The following TTYH3 variants were observed in gnomAD, a reference collection of about 807,000 sequenced individuals.
TTYH3 encodes the protein protein tweety homolog 3.
TTYH3 carries 23 observed loss-of-function variants against 68.2 expected under a neutral mutation model. That is an observed-to-expected ratio of 0.34 (90% CI 0.24 to 0.48). The LOEUF (loss-of-function observed/expected upper bound fraction) is 0.48, where lower values mean the gene tolerates loss of function less well. Ranked by LOEUF, TTYH3 falls within the 20% of genes least tolerant of loss-of-function variation. The probability of loss-of-function intolerance (pLI) is 0.99; values close to 1 mark genes in which losing one functional copy is unlikely to be tolerated. For missense variants in TTYH3, 768 were observed against 727.7 expected, an observed-to-expected ratio of 1.06 and a Z score of -0.64; for synonymous variants, 360 against 332.8, an observed-to-expected ratio of 1.08 and a Z score of -0.89.
At chr7:2,653,045 G>A (rs1458311869) in intron 9 of TTYH3, 35 bp downstream of exon 9, 1 of 1,530,850 alleles carries the variant, frequency 6.5e-7, no homozygotes, top group East Asian at 2.4e-5. Context: ...GGGGCAGGCA[G>A]GGCTCCTCTT....
At chr7:2,660,240 G>T (rs1008972085) in intron 13 of TTYH3, 32 of 985,306 alleles carry the variant, frequency 3.2e-5, no homozygotes, top group African/African-American at 2.3e-4. Flanking sequence ...CTCACAGTGG[G>T]GTTGGCAAGT....
At chr7:2,641,366 T>C (rs1388062220) in intron 1 of TTYH3, among the ~76,000 whole-genome samples, 1 of 151,110 alleles carries the variant, frequency 6.6e-6, no homozygotes, top group Non-Finnish European at 1.5e-5. Context: ...ATGGATGCCG[T>C]CTGTGGCTGT....
intron 11 of TTYH3, among the ~76,000 whole-genome samples, chr7:2,657,872 C>T (rs892790653): frequency 5.3e-5 from 8 of 152,226 alleles, no homozygotes; most frequent in African/African-American, 1.9e-4. Flanking sequence ...AGCCAGAGGG[C>T]AGCAGGGCTA....
At chr7:2,648,771 C>T (rs1424557772) in intron 5 of TTYH3, among the ~76,000 whole-genome samples, 7 of 151,672 alleles carry the variant, frequency 4.6e-5, no homozygotes, top group Non-Finnish European at 1.0e-4. Flanking sequence ...GGGGGTGCAG[C>T]TTCACGCTGT....
Position 2,631,989 on chromosome 7 carries a change from GAGCCGAGCGC to G in TTYH3, c.-158_-149del. ...GGCGGCGGGCGCGGGCGGCCGAGCGGAGCCGAGCGCAGCCGAGCCGGGCCGAGCCGGGCCG... is the reference window on the plus strand; with the variant it reads ...GGCGGCGGGCGCGGGCGGCCGAGCGGAGCCGAGCCGGGCCGAGCCGGGCCG... On this transcript the variant is annotated 5_prime_UTR_variant, in exon 1 of 14. Transcript: ENST00000258796. 1 of 416,926 alleles carries G rather than the reference GAGCCGAGCGC, an allele frequency of 2.4e-6. No homozygotes were observed. The highest frequency in any genetic ancestry group is 3.2e-6 in the Non-Finnish European group (1 of 310,022). 25.8% of individuals were successfully genotyped at this position (416,926 alleles called of 1,614,324 possible).
chr7:2,652,956 G>C lies in TTYH3; in HGVS notation c.966G>C (p.Gln322His), dbSNP rs994233984. 3 of 1,576,644 alleles carry C rather than the reference G, an allele frequency of 1.9e-6. No individual in the cohort carries two copies. The highest frequency in any genetic ancestry group is 2.7e-5 in the African/African-American group (2 of 74,702). Residue 322 changes from glutamine (Q) to histidine (H), a missense_variant, in exon 9 of 14, where the codon CAG (glutamine) becomes CAC (histidine). Coordinates refer to ENST00000258796, the MANE Select transcript of TTYH3 (RefSeq NM_025250.3). ...SGSHKALVEMQDVVAELLRTV... is the reference protein window; with the variant it reads ...SGSHKALVEMHDVVAELLRTV... ...GCCACAAGGCACTGGTGGAGATGCA[G>C]GATGTCGTGGCTGAGCTTCTGAGGA...
intron 11 of TTYH3, 80 bp from the exon 12 acceptor site, chr7:2,658,206 A>G (rs933931780): frequency 2.2e-6 from 3 of 1,370,396 alleles, no homozygotes; most frequent in African/African-American, 2.9e-5. Flanking sequence ...GTCTGTCTGC[A>G]CCAGAACTGA....
In TTYH3 at chr7:2,663,829, C is replaced by T. The variant is rs1002231778; in HGVS notation, c.*2090C>T. ...CCTGACCGTGGTGTGCGTGTGTGCC[C>T]GTCTGTGACTTTCTACTCACCAAGG... On this transcript the variant is annotated 3_prime_UTR_variant, in exon 14 of 14. Coordinates refer to ENST00000258796, the MANE Select transcript of TTYH3 (RefSeq NM_025250.3). 5.9e-5 allele frequency: 9 copies of T among 152,614 alleles called. 1 individual carries two copies. Among genetic ancestry groups the T allele is most frequent in the African/African-American group, 1.7e-4 (7 of 41,456 alleles). The allele number at this position is 152,614 out of a possible 1,614,324, so 9.5% of individuals were successfully genotyped here.
rs1401977584 is a variant in TTYH3 at position 2,648,177 on chromosome 7, C to T, written c.722+123C>T. The T allele has an allele frequency of 4.4e-6, 4 of 899,372 alleles. No individual in the cohort carries two copies. In the East Asian group the frequency reaches 7.9e-5, roughly 18 times the overall value. 55.7% of individuals were successfully genotyped at this position (899,372 alleles called of 1,614,324 possible). On this transcript the variant is annotated intron_variant, in intron 5 of 13. Coordinates refer to ENST00000258796, the MANE Select transcript of TTYH3 (RefSeq NM_025250.3). ...CACAAGCTCTGCGGTGGGGGCTGAG[C>T]GGGACCCCCCTGCACTGGGCCTGCT...
intron 1 of TTYH3, among the ~76,000 whole-genome samples, chr7:2,641,674 C>T (rs1317376696): frequency 6.6e-6 from 1 of 152,252 alleles, no homozygotes. Context: ...GGCGGAGGGG[C>T]CGCCAGCCCG....
intron 1 of TTYH3, among the ~76,000 whole-genome samples, chr7:2,637,116 C>T (rs1428983863): frequency 6.6e-6 from 1 of 152,188 alleles, no homozygotes; most frequent in Non-Finnish European, 1.5e-5. Context: ...CCGCCTGCCC[C>T]CCACTCGCCT....
chr7:2,663,641 A>G lies in TTYH3; in HGVS notation c.*1902A>G, dbSNP rs769465535. 6.6e-6 allele frequency: 1 copy of G among 152,598 alleles called. No individual in the cohort carries two copies. Among genetic ancestry groups the G allele is most frequent in the African/African-American group, 2.4e-5 (1 of 41,468 alleles). The allele number at this position is 152,598 out of a possible 1,614,324, so 9.5% of individuals were successfully genotyped here. ...AGGGGAGTTCTCCAGGCCTAGGGCC[A>G]GGAGAGAGGCCCTGGCACCCTGGCG... On this transcript the variant is annotated 3_prime_UTR_variant, in exon 14 of 14. Coordinates refer to ENST00000258796, the MANE Select transcript of TTYH3 (RefSeq NM_025250.3).
At chr7:2,639,397 A>G (rs4721904) in intron 1 of TTYH3, among the ~76,000 whole-genome samples, 49,513 of 152,078 alleles carry the variant, frequency 0.33, 8,236 homozygotes, top group East Asian at 0.46. Flanking sequence ...CTGTTGCGGT[A>G]CCCACGATGC....
At position 2,659,973 on chromosome 7, in the gene TTYH3, G is replaced by A. The variant is rs544788988; in HGVS notation, c.1500+958G>A. 1.5e-5 allele frequency: 20 copies of A among 1,301,274 alleles called. No homozygotes were observed. The South Asian group carries it at 1.9e-4, about 12-fold the overall frequency. 80.6% of individuals were successfully genotyped at this position (1,301,274 alleles called of 1,614,324 possible). A position where few individuals can be genotyped will look rare whatever the true frequency, so the allele number is the denominator to read the frequency against. On this transcript the variant is annotated intron_variant, in intron 13 of 13. Coordinates refer to ENST00000258796, the MANE Select transcript of TTYH3 (RefSeq NM_025250.3). The stretch of plus-strand genomic sequence containing the variant: ...GGCTGCCCTGGACTCTGGCAGCCAC[G>A]CGGGCTGGCAGTTTAAGCCCATGGA...
At chr7:2,661,604 G>A (rs1417723616) in intron 13 of TTYH3, 64 bp from the exon 14 acceptor site, 1 of 1,523,152 alleles carries the variant, frequency 6.6e-7, no homozygotes, top group Middle Eastern at 1.7e-4. Flanking sequence ...CCACGCGGAA[G>A]GCGCCCCTGG....
chr7:2,646,295 G>A (rs1260397306), intron 1 of TTYH3, among the ~76,000 whole-genome samples: 4 of 152,220 alleles, frequency 2.6e-5, no homozygotes, highest in African/African-American at 4.8e-5. Flanking sequence ...GATTACAGGC[G>A]TGAGCCACCC....
At chr7:2,658,661 G>A (rs1230430894) in intron 12 of TTYH3, among the ~76,000 whole-genome samples, 1 of 152,222 alleles carries the variant, frequency 6.6e-6, no homozygotes, top group Non-Finnish European at 1.5e-5. Flanking sequence ...TGGAGGTTCC[G>A]TGTCCAGGGC....
Position 2,663,139 on chromosome 7 carries a change from C to G in TTYH3, c.*1400C>G, listed in dbSNP as rs1169767531. ...CGTGCTACCCCTCCCGGTCCCGGCC[C>G]TGGCCCAGCCAGCCCAGCCCTCGAG... is the stretch of plus-strand genomic sequence containing the variant. On this transcript the variant is annotated 3_prime_UTR_variant, in exon 14 of 14. Transcript: ENST00000258796. 1 of 152,488 alleles carries G rather than the reference C, an allele frequency of 6.6e-6. No individual in the cohort carries two copies. The highest frequency in any genetic ancestry group is 1.9e-4 in the East Asian group (1 of 5,226). The allele number at this position is 152,488 out of a possible 1,614,324, so 9.4% of individuals were successfully genotyped here.
intron 5 of TTYH3, among the ~76,000 whole-genome samples, chr7:2,649,146 C>G (rs1033020105): frequency 6.6e-6 from 1 of 152,080 alleles, no homozygotes; most frequent in East Asian, 1.9e-4. Flanking sequence ...GTAGCAAGAG[C>G]TCTGAGTCCC....
Sources: allele counts gnomAD v4.1 joint callset (sites outside exome capture counted in the v4.1 genomes callset), GRCh38; gene constraint gnomAD v4.1.1; transcripts MANE v1.5; gene names NCBI Gene and HGNC (gene_info 2026-07-23, HGNC 2026-07-21).